Variants in MRPS18A observed in about 807,000 individuals in gnomAD.
MRPS18A encodes the protein large ribosomal subunit protein mL66.
Under a neutral mutation model 22.7 loss-of-function variants are expected in MRPS18A, and 20 were observed. The observed-to-expected ratio is 0.88, with a 90% confidence interval of 0.62 to 1.28. The LOEUF is 1.28. MRPS18A is among the 50% of genes most tolerant of loss of function. MRPS18A has a pLI of 0.00. For missense variants in MRPS18A, 294 were observed against 262.6 expected (o/e 1.12, Z -0.83); for synonymous variants, 106 against 99.1 (o/e 1.07, Z -0.41).
intron 5 of MRPS18A, among the ~76,000 whole-genome samples, chr6:43,674,645 T>C (rs567313385): frequency 6.6e-6 from 1 of 152,312 alleles, no homozygotes; most frequent in South Asian, 2.1e-4. Context: ...GACAAAGTGA[T>C]TCCAAGGTCT....
rs1773882983 is a variant in MRPS18A at position 43,673,688 on chromosome 6, G to A, written c.446+1514C>T. Among the ~76,000 whole-genome samples the A allele has an allele frequency of 1.3e-5, 2 of 152,234 alleles. No individual in the cohort carries two copies. Among genetic ancestry groups the A allele is most frequent in the South Asian group, 4.1e-4 (2 of 4,836 alleles). On this transcript the variant is annotated intron_variant, in intron 5 of 5. Transcript: ENST00000372133. This position sits in a 1 kb window ranked among gnomAD's most constrained non-coding sequence, Gnocchi z 4.2. ...TCCTACCTCTCCTGAAGGGGCAGCA[G>A]GAGGAGCGACACAGCAGCAGACAAA...
At chr6:43,684,522 C>A (rs544376252) in intron 1 of MRPS18A, among the ~76,000 whole-genome samples, 11 of 152,340 alleles carry the variant, frequency 7.2e-5, no homozygotes, top group Middle Eastern at 3.4e-3. Context: ...ATCACCTCCC[C>A]CTTTCTTTCC....
At chr6:43,680,306 A>AG (rs777633206) in intron 2 of MRPS18A, among the ~76,000 whole-genome samples, 74 of 152,244 alleles carry the variant, frequency 4.9e-4, no homozygotes, top group East Asian at 1.2e-3. Flanking sequence ...GGAGCATTCT[A>AG]GGGGGAGACC....
At position 43,675,551 on chromosome 6, in the gene MRPS18A, G is replaced by C. The variant is rs1175904327; in HGVS notation, c.319C>G (p.Leu107Val). The C allele has an allele frequency of 3.7e-6, 6 of 1,614,028 alleles. No homozygotes were observed. Among genetic ancestry groups the C allele is most frequent in the African/African-American group, 1.3e-5 (1 of 74,922 alleles). ...GGMLPRKITG[L>V]CQEEHRKIEE... ...ATCTTGCGGTGTTCTTCCTGGCATA[G>C]GCCTGTGATCTTTCGGGGCAGCATG... The change falls in exon 4 of 6, where the codon CTA becomes GTA. Residue 107 changes from leucine (L) to valine (V), a missense_variant. Leu to Val is a conservative substitution (Grantham distance 32). Transcript: ENST00000372133.
chr6:43,672,940 C>T (rs1773824159), intron 5 of MRPS18A, among the ~76,000 whole-genome samples: 2 of 151,126 alleles, frequency 1.3e-5, no homozygotes, highest in South Asian at 4.2e-4. Context: ...ATTGTCACTG[C>T]CCTGGCCAGG....
At chr6:43,672,612 C>G in intron 5 of MRPS18A, 1 of 313,422 alleles carries the variant, frequency 3.2e-6, no homozygotes, top group South Asian at 2.5e-5. Context: ...AAAGGCCCAT[C>G]CTTCATTCTG....
At chr6:43,680,217 G>A (rs1438997084) in intron 2 of MRPS18A, among the ~76,000 whole-genome samples, 1 of 151,498 alleles carries the variant, frequency 6.6e-6, no homozygotes, top group East Asian at 2.0e-4. Context: ...GAATCAAGGA[G>A]CCTAAAAGGT....
chr6:43,683,136 C>A (rs933030594), intron 1 of MRPS18A, among the ~76,000 whole-genome samples: 1 of 152,154 alleles, frequency 6.6e-6, no homozygotes, highest in Non-Finnish European at 1.5e-5. Context: ...CTGAAGTCAT[C>A]CCACTGGCCC....
At chr6:43,687,493 G>C (rs1363548928) in intron 1 of MRPS18A, among the ~76,000 whole-genome samples, 175 bp downstream of exon 1, 1 of 152,184 alleles carries the variant, frequency 6.6e-6, no homozygotes, top group African/African-American at 2.4e-5. Flanking sequence ...AGGGGCAGGA[G>C]ATCAAGATAA....
rs181411989 is a variant in MRPS18A at position 43,681,905 on chromosome 6, A to G, written c.113-785T>C. Among the ~76,000 whole-genome samples, 8 of 152,360 alleles carry G rather than the reference A, an allele frequency of 5.3e-5. No homozygotes were observed. In the East Asian group the frequency reaches 1.3e-3, roughly 26 times the overall value. ...GTCTGTCAGGCTGAATACATTTCCT[A>G]TCTTACCTAACCAAGATGCAGAATG... is the stretch of plus-strand genomic sequence containing the variant. On this transcript the variant is annotated intron_variant, in intron 1 of 5. Coordinates refer to ENST00000372133, the MANE Select transcript of MRPS18A (RefSeq NM_018135.4).
At chr6:43,678,406 TGGTTCCATGAA>T (rs1272655464) in intron 3 of MRPS18A, 101 bp downstream of exon 3, 1 of 784,982 alleles carries the variant, frequency 1.3e-6, no homozygotes, top group Non-Finnish European at 2.2e-6. Flanking sequence ...CCATCTCTGG[TGGTTCCATGAA>T]ATGCAGCAGT....
chr6:43,678,382 T>C (rs890846393), intron 3 of MRPS18A, 136 bp downstream of exon 3: 3 of 670,620 alleles, frequency 4.5e-6, no homozygotes, highest in Admixed American at 2.4e-5. Context: ...TGAGAACAAC[T>C]GGACAAAATG....
In MRPS18A at chr6:43,673,892, G is replaced by A. The variant is rs920381457; in HGVS notation, c.446+1310C>T. On this transcript the variant is annotated intron_variant, in intron 5 of 5. Coordinates refer to ENST00000372133, the MANE Select transcript of MRPS18A (RefSeq NM_018135.4). This position sits in a 1 kb window ranked among gnomAD's most constrained non-coding sequence, Gnocchi z 4.2. Reference sequence around the variant, plus strand: ...ATCCTGTGTCACGTTAAAGGATGCCGGATGTATGGGAGGGCGCCTGGCCTA... The same window carrying A: ...ATCCTGTGTCACGTTAAAGGATGCCAGATGTATGGGAGGGCGCCTGGCCTA... Among the ~76,000 whole-genome samples the A allele has an allele frequency of 2.6e-5, 4 of 152,326 alleles. No homozygotes were observed. Among genetic ancestry groups the A allele is most frequent in the East Asian group, 1.9e-4 (1 of 5,186 alleles).
chr6:43,685,029 G>C (rs548106757), intron 1 of MRPS18A, among the ~76,000 whole-genome samples: 1 of 152,132 alleles, frequency 6.6e-6, no homozygotes, highest in Non-Finnish European at 1.5e-5. Context: ...GGAACAATAA[G>C]GGAGGCCCTG....
chr6:43,686,922 C>T (rs1443077204), intron 1 of MRPS18A, among the ~76,000 whole-genome samples: 1 of 152,222 alleles, frequency 6.6e-6, no homozygotes, highest in African/African-American at 2.4e-5. Context: ...CTGAGTCTCC[C>T]TGTACTTCGT....
In MRPS18A at chr6:43,673,427, T is replaced by C. The variant is rs1486283790; in HGVS notation, c.447-1521A>G. 2.0e-5 allele frequency among the ~76,000 whole-genome samples: 3 copies of C among 152,152 alleles called. No homozygotes were observed. The highest frequency in any genetic ancestry group is 2.9e-5 in the Non-Finnish European group (2 of 68,030). Reference sequence around the variant, plus strand: ...AGCAGGCTCCCCAGAAGGGTGCTCATTGAGATTTGGGGATGCAGAGGAAAA... The same window carrying C: ...AGCAGGCTCCCCAGAAGGGTGCTCACTGAGATTTGGGGATGCAGAGGAAAA... On this transcript the variant is annotated intron_variant, in intron 5 of 5. Transcript: ENST00000372133. This position sits in a 1 kb window ranked among gnomAD's most constrained non-coding sequence, Gnocchi z 4.2.
intron 5 of MRPS18A, chr6:43,672,407 T>C (rs1295817883): frequency 6.4e-6 from 3 of 471,242 alleles, no homozygotes; most frequent in Non-Finnish European, 1.3e-5. Context: ...AATCAAGGGG[T>C]AAGGGCCCGT....
chr6:43,671,967 A>C (rs1773728740), intron 5 of MRPS18A, 61 bp from the exon 6 acceptor site: 2 of 1,501,120 alleles, frequency 1.3e-6, no homozygotes, highest in Admixed American at 4.4e-5. Context: ...GACGTGGGAG[A>C]GTGGAGCACT....
intron 5 of MRPS18A, chr6:43,672,421 C>T (rs1023143127): frequency 2.8e-5 from 13 of 471,134 alleles, no homozygotes; most frequent in African/African-American, 1.0e-4. Context: ...GGCCCGTGGG[C>T]GCAGCCCTAG....
Sources: allele counts gnomAD v4.1 joint callset (sites outside exome capture counted in the v4.1 genomes callset), GRCh38; gene constraint gnomAD v4.1.1; non-coding constraint Gnocchi (gnomAD v3.1); transcripts MANE v1.5; gene names NCBI Gene and HGNC (gene_info 2026-07-23, HGNC 2026-07-21).